Variants in TLN1 observed in about 807,000 individuals in gnomAD.
TLN1 encodes the protein talin 1, also known as talin-1.
A neutral mutation model predicts 292.3 loss-of-function variants in TLN1; 56 were observed. The ratio of observed to expected loss-of-function variants is 0.19; its 90% CI spans 0.15 to 0.24. The LOEUF is 0.24. Ranked by LOEUF, TLN1 falls within the 10% of genes least tolerant of loss-of-function variation. TLN1 has a pLI of 1.00. For missense variants in TLN1, 2,433 were observed against 3,248.2 expected (o/e 0.75, Z 6.10); for synonymous variants, 1,119 against 1,253.7 (o/e 0.89, Z 2.27).
At chr9:35,710,943 G>C in intron 31 of TLN1, 46 bp downstream of exon 31, 1 of 1,613,774 alleles carries the variant, frequency 6.2e-7, no homozygotes, top group Non-Finnish European at 8.5e-7. Flanking sequence ...CCCAAAACCA[G>C]AACACTTCCC....
Position 35,719,777 on chromosome 9 carries a change from T to C in TLN1, c.1541A>G (p.Asp514Gly). ...QAVQAAQATLDDFDTLPPLGQ... is the reference protein window; with the variant it reads ...QAVQAAQATLGDFDTLPPLGQ... Reference sequence around the variant, plus strand: ...AAGAGGCGGCAGAGTGTCAAAGTCATCCAGGGTGGCCTGGGCAGCCTGCAC... The same window carrying C: ...AAGAGGCGGCAGAGTGTCAAAGTCACCCAGGGTGGCCTGGGCAGCCTGCAC... Residue 514 changes from aspartate (D) to glycine (G), a missense_variant, in exon 14 of 57, where the codon GAT becomes GGT. By Grantham distance (94) the Asp-to-Gly change is moderately conservative (BLOSUM62 -1). Around this residue, in one of 7 missense-constraint regions of TLN1, gnomAD observed 617 missense variants for 770.6 expected, o/e 0.80. Transcript: ENST00000314888. This position sits in a 1 kb window ranked among gnomAD's most constrained non-coding sequence, Gnocchi z 4.6. The C allele has an allele frequency of 1.9e-6, 3 of 1,607,990 alleles. No homozygotes were observed. Among genetic ancestry groups the C allele is most frequent in the Non-Finnish European group, 2.5e-6 (3 of 1,177,102 alleles).
Position 35,717,093 on chromosome 9 carries a change from G to A in TLN1, c.2458+53C>T, listed in dbSNP as rs1168451998. 21 of 1,546,298 alleles carry A rather than the reference G, an allele frequency of 1.4e-5. No individual in the cohort carries two copies. Among genetic ancestry groups the A allele is most frequent in the African/African-American group, 4.1e-5 (3 of 72,992 alleles). ...GTCCGCAAGGGGATGATGTCCAGTG[G>A]GCTTAGGGAACCCTGGTAGGGTTTT... On this transcript the variant is annotated intron_variant, in intron 19 of 56. Transcript: ENST00000314888. The surrounding 1 kb of genome is among the most constrained non-coding windows in gnomAD (Gnocchi z 4.7).
Position 35,718,717 on chromosome 9 carries a change from G to C in TLN1, c.1995+95C>G, listed in dbSNP as rs1587986853. 6 of 1,038,926 alleles carry C rather than the reference G, an allele frequency of 5.8e-6. No individual in the cohort carries two copies. The East Asian group carries it at 1.5e-4, about 27-fold the overall frequency. The allele number at this position is 1,038,926 out of a possible 1,614,324, so 64.4% of individuals were successfully genotyped here. On this transcript the variant is annotated intron_variant, in intron 17 of 56. Transcript: ENST00000314888. Reference sequence around the variant, plus strand: ...ATAGAGGTTCAGATTGGTTTTTAGGGGTCAATTCACAGAAGCCAGGACTAG... The same window carrying C: ...ATAGAGGTTCAGATTGGTTTTTAGGCGTCAATTCACAGAAGCCAGGACTAG...
Position 35,703,741 on chromosome 9 carries a change from T to A in TLN1, c.6357+34A>T, listed in dbSNP as rs778951838. 4 of 1,614,216 alleles carry A rather than the reference T, an allele frequency of 2.5e-6. No homozygotes were observed. In the South Asian group the frequency reaches 4.4e-5, roughly 18 times the overall value. ...AACAGGAGGAAGTATGTTAATCCAG[T>A]GCCCCTCCTGATGTTGCTCTCATTC... On this transcript the variant is annotated intron_variant, in intron 47 of 56. Transcript: ENST00000314888.
Position 35,698,819 on chromosome 9 carries a change from C to G in TLN1, c.7114G>C (p.Ala2372Pro). The G allele has an allele frequency of 6.2e-7, 1 of 1,614,110 alleles. No individual in the cohort carries two copies. The highest frequency in any genetic ancestry group is 8.5e-7 in the Non-Finnish European group (1 of 1,179,958). Residue 2372 changes from alanine to proline, a missense_variant, in exon 53 of 57, where the codon GCC becomes CCC. Transcript: ENST00000314888. The surrounding 1 kb of genome is among the most constrained non-coding windows in gnomAD (Gnocchi z 5.3). ...ATTTAAGCACTCACCTTCCCTTGGG[C>G]CACTAGTTCTCTCTGGGCAGCCGAC... Reference protein sequence around the residue: ...AASAAQRELVAQGKVGAIPAN... With the variant: ...AASAAQRELVPQGKVGAIPAN...
chr9:35,707,171 G>A lies in TLN1; in HGVS notation c.4856C>T (p.Ala1619Val), dbSNP rs1273187077. The change falls in exon 37 of 57, where the codon GCC becomes GTC. Residue 1619 changes from alanine (A) to valine (V), a missense_variant. Transcript: ENST00000314888. This position sits in a 1 kb window ranked among gnomAD's most constrained non-coding sequence, Gnocchi z 5.6. ...SAGGLIQTAR[A>V]LAVNPRDPPS... ...GGGGTCCCGGGGATTGACTGCGAGG[G>A]CCCGGGCTGTCTGGATGAGTCCCCC... 6.2e-7 allele frequency: 1 copy of A among 1,610,510 alleles called. No homozygotes were observed. Among genetic ancestry groups the A allele is most frequent in the Non-Finnish European group, 8.5e-7 (1 of 1,178,948 alleles).
rs1825416723 is a variant in TLN1, at chr9:35,698,974, A to C, written c.7000-41T>G. On this transcript the variant is annotated intron_variant, in intron 52 of 56. Transcript: ENST00000314888. This position sits in a 1 kb window ranked among gnomAD's most constrained non-coding sequence, Gnocchi z 5.3. ...GTTGCAGAAAGAGATGTAAAGTCAG[A>C]GATGAAGGTGGGGACACTGCCATGG... 1.2e-6 allele frequency: 2 copies of C among 1,610,456 alleles called. No homozygotes were observed. Among genetic ancestry groups the C allele is most frequent in the Admixed American group, 1.7e-5 (1 of 59,920 alleles).
In TLN1 at chr9:35,711,466, C is replaced by G. The variant is rs1825666747; in HGVS notation, c.3880-72G>C. The G allele has an allele frequency of 1.2e-5, 19 of 1,608,232 alleles. No individual in the cohort carries two copies. In the South Asian group the frequency reaches 2.1e-4, roughly 18 times the overall value. On this transcript the variant is annotated intron_variant, in intron 29 of 56. Transcript: ENST00000314888. ...TGTCTCTAAAAGGGATCTTCTTTCC[C>G]AGACACTCAAGTAGTGCTAGAGACT...
In TLN1 at chr9:35,712,110, C is replaced by A; in HGVS notation, c.3576G>T (p.Val1192=). The A allele has an allele frequency of 1.2e-6, 2 of 1,613,672 alleles. No homozygotes were observed. Among genetic ancestry groups the A allele is most frequent in the South Asian group, 2.2e-5 (2 of 90,952 alleles). The part of the protein sequence containing the change: ...QQRLAQVAKA[V]TQALNRCVSC... Reference sequence around the variant, plus strand: ...TGACACAGCGGTTCAGAGCCTGGGTCACTGCTTTAGCCACCTGGGGTGAGA... The same window carrying A: ...TGACACAGCGGTTCAGAGCCTGGGTAACTGCTTTAGCCACCTGGGGTGAGA... The change falls in exon 28 of 57, where the codon GTG becomes GTT. Residue 1192 remains valine (V), a synonymous_variant. Coordinates refer to ENST00000314888, the MANE Select transcript of TLN1 (RefSeq NM_006289.4).
Position 35,716,547 on chromosome 9 carries a change from A to G in TLN1, c.2468T>C (p.Val823Ala). 6.2e-7 allele frequency: 1 copy of G among 1,614,016 alleles called. No homozygotes were observed. Among genetic ancestry groups the G allele is most frequent in the Non-Finnish European group, 8.5e-7 (1 of 1,179,962 alleles). Reference protein sequence around the residue: ...FSSMGDAGEMVRQARILAQAT... With the variant: ...FSSMGDAGEMARQARILAQAT... ...TTGGGCCAGGATGCGGGCCTGTCGC[A>G]CCATCTCCCCTGAGAGCATAGGGCA... The change falls in exon 20 of 57, where the codon GTG (valine) becomes GCG (alanine). Residue 823 changes from valine (V) to alanine (A), a missense_variant. By Grantham distance (64) the Val-to-Ala change is moderately conservative. Transcript: ENST00000314888.
At chr9:35,711,537 T>G in intron 29 of TLN1, 58 bp downstream of exon 29, 1 of 1,611,042 alleles carries the variant, frequency 6.2e-7, no homozygotes, top group Middle Eastern at 1.8e-4. Flanking sequence ...GTCACTCAAC[T>G]GCCTCCTATC....
chr9:35,711,250 C>T lies in TLN1; in HGVS notation c.4019+5G>A, dbSNP rs377542976. The T allele has an allele frequency of 4.1e-5, 66 of 1,614,144 alleles. No homozygotes were observed. The African/African-American group carries it at 7.7e-4, about 19-fold the overall frequency. ...CCAGGGCTGGGCTTCTCAGCAACTA[C>T]TTACCTGGCAGCTGCAGCCAGCTGA... On this transcript the variant is annotated splice_donor_5th_base_variant and intron_variant, in intron 30 of 56. Coordinates refer to ENST00000314888, the MANE Select transcript of TLN1 (RefSeq NM_006289.4).
In TLN1 at chr9:35,721,670, G is replaced by A; in HGVS notation, c.1082C>T (p.Ala361Val). 6.2e-7 allele frequency: 1 copy of A among 1,613,572 alleles called. No individual in the cohort carries two copies. The highest frequency in any genetic ancestry group is 8.5e-7 in the Non-Finnish European group (1 of 1,179,510). Residue 361 changes from alanine (A) to valine (V), a missense_variant, in exon 10 of 57, where the codon GCG (alanine) becomes GTG (valine). By Grantham distance (64) the Ala-to-Val change is moderately conservative. Transcript: ENST00000314888. The part of the protein sequence containing the change: ...WNLTNIKRWA[A>V]SPKSFTLDFG... Reference sequence around the variant, plus strand: ...TACCAGGGTGAAGCTTTTGGGAGACGCAGCCCAGCGTTTGATGTTGGTGAG... The same window carrying A: ...TACCAGGGTGAAGCTTTTGGGAGACACAGCCCAGCGTTTGATGTTGGTGAG...
chr9:35,727,238 TG>T (rs1191735938), intron 1 of TLN1, among the ~76,000 whole-genome samples: 2 of 151,744 alleles, frequency 1.3e-5, no homozygotes, highest in Admixed American at 1.3e-4. Flanking sequence ...AAGCCTCAAA[TG>T]GGGAAAAGCA....
At chr9:35,705,497 T>C (rs1825547910) in intron 43 of TLN1, 54 bp downstream of exon 43, 2 of 1,520,586 alleles carry the variant, frequency 1.3e-6, no homozygotes, top group Non-Finnish European at 1.8e-6. Context: ...CCCTAGACAC[T>C]GACACATCAG....
chr9:35,702,717 T>C (rs1587976730), intron 48 of TLN1, among the ~76,000 whole-genome samples: 1 of 151,862 alleles, frequency 6.6e-6, no homozygotes, highest in Non-Finnish European at 1.5e-5. Context: ...GGTCTCGAAC[T>C]CCCGACCTTG....
Position 35,719,286 on chromosome 9 carries a change from A to C in TLN1, c.1688-4T>G. On this transcript the variant is annotated splice_region_variant and splice_polypyrimidine_tract_variant and intron_variant, in intron 15 of 56. Transcript: ENST00000314888. This position sits in a 1 kb window ranked among gnomAD's most constrained non-coding sequence, Gnocchi z 4.6. ...TAGTCTGTCTCAGCAGGGTCCCCTA[A>C]GGGGAAAAGGAGAAAGAGGAACATG... 1 of 1,611,112 alleles carries C rather than the reference A, an allele frequency of 6.2e-7. No individual in the cohort carries two copies.
chr9:35,700,029 T>C lies in TLN1; in HGVS notation c.6713A>G (p.His2238Arg), dbSNP rs767008341. 6.2e-7 allele frequency: 1 copy of C among 1,613,554 alleles called. No individual in the cohort carries two copies. Among genetic ancestry groups the C allele is most frequent in the East Asian group, 2.2e-5 (1 of 44,856 alleles). ...GCCATTGGCACACTCCCGGCCATAG[T>C]GCAGGGCTCGAAGCCGCACATCAGG... ...VAPDVRLRAL[H>R]YGRECANGYL... Residue 2238 changes from histidine to arginine, a missense_variant, in exon 50 of 57, where the codon CAC becomes CGC. His to Arg is a conservative substitution (Grantham distance 29). Coordinates refer to ENST00000314888, the MANE Select transcript of TLN1 (RefSeq NM_006289.4).
rs1398782590 is a variant in TLN1 at position 35,714,331 on chromosome 9, T to C, written c.3028A>G (p.Thr1010Ala). The C allele has an allele frequency of 1.9e-6, 3 of 1,613,660 alleles. No homozygotes were observed. Among genetic ancestry groups the C allele is most frequent in the African/African-American group, 1.3e-5 (1 of 74,912 alleles). ...MVAAAKASVP[T>A]IQDQASAMQL... ...ATGGCTGAAGCCTGGTCCTGAATCG[T>C]TGGCACTGAGGCCTTTGCAGCTGCC... is the stretch of plus-strand genomic sequence containing the variant. Residue 1010 changes from threonine to alanine, a missense_variant, in exon 24 of 57, where the codon ACG (threonine) becomes GCG (alanine). Transcript: ENST00000314888. The surrounding 1 kb of genome is among the most constrained non-coding windows in gnomAD (Gnocchi z 4.6).
Sources: allele counts gnomAD v4.1 joint callset (sites outside exome capture counted in the v4.1 genomes callset), GRCh38; gene constraint gnomAD v4.1.1; regional missense constraint gnomAD v4.1.1; non-coding constraint Gnocchi (gnomAD v3.1); transcripts MANE v1.5; gene names NCBI Gene and HGNC (gene_info 2026-07-23, HGNC 2026-07-21).